Variants in ANAPC11 observed in about 807,000 individuals in gnomAD.
ANAPC11 encodes the protein anaphase-promoting complex subunit 11.
Under a neutral mutation model 11.8 loss-of-function variants are expected in ANAPC11, and 5 were observed. The observed-to-expected ratio is 0.42, with a 90% confidence interval of 0.22 to 0.89. The LOEUF is 0.89. Among genes scored for constraint, ANAPC11 ranks in the 40% least tolerant of loss-of-function variants. ANAPC11 has a pLI of 0.28. For missense variants in ANAPC11, 68 were observed against 112.9 expected (o/e 0.60, Z 1.80); for synonymous variants, 45 against 41.0 (o/e 1.10, Z -0.38).
intron 3 of ANAPC11, 180 bp downstream of exon 3, chr17:81,894,766 G>A (rs1285383641): frequency 4.4e-6 from 2 of 449,490 alleles, no homozygotes; most frequent in Middle Eastern, 5.7e-4. Flanking sequence ...TTCCCAGGCT[G>A]GAGTGCAATG....
In ANAPC11 at chr17:81,896,359, T is replaced by C. The variant is rs549108650; in HGVS notation, c.109+1773T>C. On this transcript the variant is annotated intron_variant, in intron 3 of 3. Transcript: ENST00000344877. The stretch of plus-strand genomic sequence containing the variant: ...ATCGCTTGAACCTGGGAGGCAGATG[T>C]TGTGGTGAGCCAAGATCGCACCATT... Among the ~76,000 whole-genome samples the C allele has an allele frequency of 2.6e-5, 4 of 152,256 alleles. No individual in the cohort carries two copies. The South Asian group carries it at 8.3e-4, about 32-fold the overall frequency.
rs1156391578 is a variant in ANAPC11, at chr17:81,896,798, CTTTTTTTTTTTTTTT to C, written c.109+2230_109+2244del. 3.7e-4 allele frequency among the ~76,000 whole-genome samples: 16 copies of C among 42,912 alleles called. 1 individual carries two copies. The East Asian group carries it at 5.9e-3, about 16-fold the overall frequency. The allele number at this position is 42,912 out of a possible 152,430, so 28.2% of individuals were successfully genotyped here. On this transcript the variant is annotated intron_variant, in intron 3 of 3. Coordinates refer to ENST00000344877, the MANE Select transcript of ANAPC11 (RefSeq NM_001002248.3). ...CCACCACACTCATCTGCCTCCTTTG[CTTTTTTTTTTTTTTT>C]TTTTTTTTTTTTTTTTTGAGATAGA...
At chr17:81,895,355 AT>A (rs1445472796) in intron 3 of ANAPC11, among the ~76,000 whole-genome samples, 1 of 151,662 alleles carries the variant, frequency 6.6e-6, no homozygotes, top group Non-Finnish European at 1.5e-5. Context: ...CCCCCCCAAC[AT>A]TTTCATTTTC....
In ANAPC11 at chr17:81,899,962, G is replaced by C; in HGVS notation, c.152G>C (p.Cys51Ser). The change falls in exon 4 of 4, where the codon TGC becomes TCC. Residue 51 changes from cysteine (C) to serine (S), a missense_variant. Physicochemically the swap from Cys to Ser is moderately radical, Grantham distance 112. Coordinates refer to ENST00000344877, the MANE Select transcript of ANAPC11 (RefSeq NM_001002248.3). ...GDDCPLVWGQ[C>S]SHCFHMHCIL... ...GACTGCCCGCTGGTGTGGGGCCAGT[G>C]CTCCCACTGCTTCCACATGCATTGC... is the stretch of plus-strand genomic sequence containing the variant. The C allele has an allele frequency of 1.2e-6, 2 of 1,612,838 alleles. No homozygotes were observed. The highest frequency in any genetic ancestry group is 1.7e-6 in the Non-Finnish European group (2 of 1,179,774).
chr17:81,894,886 T>G (rs146768344), intron 3 of ANAPC11: 64 of 312,470 alleles, frequency 2.0e-4, no homozygotes, highest in African/African-American at 1.2e-3. Context: ...CTGGGCTAAT[T>G]TTTTTATTTT....
chr17:81,898,026 T>C (rs949113650), intron 3 of ANAPC11: 5 of 152,230 alleles, frequency 3.3e-5, no homozygotes, highest in Admixed American at 6.5e-5. Context: ...GGGTGTAATC[T>C]TAGGAAATTA....
intron 2 of ANAPC11, among the ~76,000 whole-genome samples, chr17:81,893,935 C>T (rs561975727): frequency 1.3e-5 from 2 of 151,790 alleles, no homozygotes; most frequent in East Asian, 1.9e-4. Flanking sequence ...TCCCCTGCAG[C>T]CCTGACCCTC....
intron 3 of ANAPC11, chr17:81,899,716 T>G: frequency 1.0e-6 from 1 of 969,108 alleles, no homozygotes; most frequent in Non-Finnish European, 1.5e-6. Flanking sequence ...CCGGTGTCCC[T>G]TGGTCATTGC....
chr17:81,893,144 G>C (rs2039608006), intron 1 of ANAPC11: 1 of 152,124 alleles, frequency 6.6e-6, no homozygotes, highest in African/African-American at 2.4e-5. Context: ...GAATAGAGCT[G>C]GGAGCTGGCG....
upstream of ANAPC11, chr17:81,890,929 C>T: frequency 6.6e-7 from 1 of 1,513,002 alleles, no homozygotes; most frequent in Non-Finnish European, 8.9e-7. Context: ...GAGGATCCGG[C>T]CGAAACGGGG....
upstream of ANAPC11, chr17:81,891,588 A>G: frequency 9.9e-6 from 14 of 1,408,990 alleles, no homozygotes; most frequent in Non-Finnish European, 1.3e-5. Context: ...CATCGGCTCG[A>G]GCCCGCGCGT....
At chr17:81,899,713 C>G (rs892950284) in intron 3 of ANAPC11, 2 of 974,180 alleles carry the variant, frequency 2.1e-6, no homozygotes, top group African/African-American at 3.3e-5. Context: ...TGTCCGGTGT[C>G]CCTTGGTCAT....
At chr17:81,892,307 C>CT (rs2039567396) in intron 1 of ANAPC11, among the ~76,000 whole-genome samples, 3 of 150,740 alleles carry the variant, frequency 2.0e-5, no homozygotes, top group Admixed American at 2.0e-4. Flanking sequence ...ACCCCCATCT[C>CT]TAAAAAAAAA....
chr17:81,893,745 CTTTTTTTTCCT>C (rs2039635139), intron 2 of ANAPC11, 131 bp downstream of exon 2: 2 of 130,800 alleles, frequency 1.5e-5, no homozygotes, highest in Non-Finnish European at 3.3e-5. Flanking sequence ...ACAGATAGTT[CTTTTTTTTCCT>C]TTTTTTTTTT....
At position 81,900,113 on chromosome 17, in the gene ANAPC11, A is replaced by C; in HGVS notation, c.*48A>C. 2 of 1,608,186 alleles carry C rather than the reference A, an allele frequency of 1.2e-6. No homozygotes were observed. The highest frequency in any genetic ancestry group is 1.7e-6 in the Non-Finnish European group (2 of 1,177,910). ...AGGGGCATCCTGAGACTCCTTCCTC[A>C]TGCTGGCGCCGATGGCTGCTGGGGA... On this transcript the variant is annotated 3_prime_UTR_variant, in exon 4 of 4. Transcript: ENST00000344877.
At chr17:81,896,635 A>AC (rs1453633308) in intron 3 of ANAPC11, among the ~76,000 whole-genome samples, 2 of 151,872 alleles carry the variant, frequency 1.3e-5, no homozygotes, top group African/African-American at 4.8e-5. Flanking sequence ...GCTACTCACT[A>AC]CCCCAAGTAA....
chr17:81,900,390 A>T, downstream of ANAPC11: 1 of 400,548 alleles, frequency 2.5e-6, no homozygotes, highest in Non-Finnish European at 4.5e-6. Context: ...GACTGGGAGG[A>T]GAAGGAGCAG....
Position 81,900,103 on chromosome 17 carries a change from CTCCT to C in ANAPC11, c.*43_*46del, listed in dbSNP as rs1279374075. 1 of 1,610,488 alleles carries C rather than the reference CTCCT, an allele frequency of 6.2e-7. No individual in the cohort carries two copies. The highest frequency in any genetic ancestry group is 1.7e-5 in the Admixed American group (1 of 59,744). On this transcript the variant is annotated 3_prime_UTR_variant, in exon 4 of 4. Coordinates refer to ENST00000344877, the MANE Select transcript of ANAPC11 (RefSeq NM_001002248.3). ...CTCTCGCTGGAGGGGCATCCTGAGA[CTCCT>C]TCCTCATGCTGGCGCCGATGGCTGC...
upstream of ANAPC11, chr17:81,891,252 C>T: frequency 1.9e-6 from 2 of 1,077,438 alleles, no homozygotes; most frequent in South Asian, 3.8e-5. Context: ...GGGTCTCCGC[C>T]GCGAGCGGCC....
Sources: gnomAD v4.1 joint callset for allele counts (sites outside exome capture counted in the v4.1 genomes callset) on GRCh38, gnomAD v4.1.1 for gene constraint, MANE v1.5 for transcripts, NCBI Gene and HGNC (gene_info 2026-07-23, HGNC 2026-07-21) for gene names.